The following CSMD1 variants were observed in gnomAD, a reference collection of about 807,000 sequenced individuals.
The protein encoded by CSMD1 is CUB and Sushi multiple domains 1.
CSMD1 carries 213 observed loss-of-function variants against 417.5 expected under a neutral mutation model. That is an observed-to-expected ratio of 0.51 (90% CI 0.46 to 0.57). The LOEUF is 0.57. Ranked by LOEUF, CSMD1 falls within the 20% of genes least tolerant of loss-of-function variation. CSMD1 has a pLI of 0.00. For missense variants in CSMD1, 6,923 were observed against 4,529.7 expected (o/e 1.53, Z -15.17); for synonymous variants, 2,862 against 1,736.8 (o/e 1.65, Z -16.11).
intron 2 of CSMD1, among the ~76,000 whole-genome samples, chr8:4,473,519 C>T (rs373379138): frequency 1.3e-5 from 2 of 152,198 alleles, no homozygotes; most frequent in Non-Finnish European, 2.9e-5. Context: ...CTTGCACCTG[C>T]TTTGCAATTA....
At chr8:4,788,710 T>C (rs993458602) in intron 1 of CSMD1, 1 of 502,290 alleles carries the variant, frequency 2.0e-6, no homozygotes, top group Admixed American at 3.6e-5. Context: ...TATTAGTGAA[T>C]CAATGCTTCT....
chr8:3,253,686 G>C (rs1451817664), intron 26 of CSMD1, among the ~76,000 whole-genome samples: 5 of 152,034 alleles, frequency 3.3e-5, no homozygotes, highest in East Asian at 1.9e-4. Flanking sequence ...AGGTCTCTAA[G>C]GACTTGCTTT....
In CSMD1 at chr8:4,894,183, C is replaced by T. The variant is rs1017401765; in HGVS notation, c.85+100149G>A. Among the ~76,000 whole-genome samples the T allele has an allele frequency of 3.9e-5, 6 of 152,020 alleles. No homozygotes were observed. The South Asian group carries it at 1.2e-3, about 32-fold the overall frequency. On this transcript the variant is annotated intron_variant, in intron 1 of 69. Coordinates refer to ENST00000635120, the MANE Select transcript of CSMD1 (RefSeq NM_033225.6). ...ACAGTTTTTATGTTATTAGCTCTTTCTATATGTCTTATCAGATATGCCCAA... is the reference window on the plus strand; with the variant it reads ...ACAGTTTTTATGTTATTAGCTCTTTTTATATGTCTTATCAGATATGCCCAA...
intron 54 of CSMD1, among the ~76,000 whole-genome samples, chr8:2,986,013 G>A (rs1260132499): frequency 6.8e-6 from 1 of 147,820 alleles, no homozygotes; most frequent in African/African-American, 2.5e-5. Context: ...AGGGGAGAGA[G>A]GGAGGGAGGG....
rs575347409 is a variant in CSMD1 at position 3,691,415 on chromosome 8, A to G, written c.1009+16999T>C. 4.6e-5 allele frequency among the ~76,000 whole-genome samples: 7 copies of G among 152,234 alleles called. No individual in the cohort carries two copies. The East Asian group carries it at 1.4e-3, about 29-fold the overall frequency. On this transcript the variant is annotated intron_variant, in intron 7 of 69. Coordinates refer to ENST00000635120, the MANE Select transcript of CSMD1 (RefSeq NM_033225.6). The stretch of plus-strand genomic sequence containing the variant: ...ACAAAAAACAAAAACAAAACAAACA[A>G]AAAACTGTGTCAATGAAGAGAAGAT...
At chr8:4,273,020 TCTAA>T (rs1359974652) in intron 3 of CSMD1, among the ~76,000 whole-genome samples, 3 of 152,298 alleles carry the variant, frequency 2.0e-5, no homozygotes, top group South Asian at 4.1e-4. Context: ...ACCTGACATT[TCTAA>T]CTATTATCAT....
At chr8:4,240,259 G>T (rs938639801) in intron 3 of CSMD1, among the ~76,000 whole-genome samples, 1 of 152,240 alleles carries the variant, frequency 6.6e-6, no homozygotes, top group Admixed American at 6.5e-5. Flanking sequence ...GGGGCTGGCA[G>T]CCTTTTCACT....
At chr8:3,489,870 G>A (rs929000220) in intron 11 of CSMD1, among the ~76,000 whole-genome samples, 2 of 152,170 alleles carry the variant, frequency 1.3e-5, no homozygotes, top group Non-Finnish European at 1.5e-5. Context: ...TGAGTTTGAA[G>A]TAGTGAATGC....
intron 3 of CSMD1, among the ~76,000 whole-genome samples, chr8:4,158,401 C>G (rs947568322): frequency 6.6e-6 from 1 of 151,940 alleles, no homozygotes; most frequent in Admixed American, 6.6e-5. Flanking sequence ...GCGGTCATCA[C>G]TATTGCAAAA....
chr8:3,082,931 G>T (rs1814213310), intron 49 of CSMD1, among the ~76,000 whole-genome samples: 1 of 152,094 alleles, frequency 6.6e-6, no homozygotes, highest in Non-Finnish European at 1.5e-5. Flanking sequence ...AACATCTGCG[G>T]GAAAAATAAA....
At chr8:3,485,629 G>T (rs531570959) in intron 11 of CSMD1, among the ~76,000 whole-genome samples, 1 of 151,742 alleles carries the variant, frequency 6.6e-6, no homozygotes, top group Admixed American at 6.6e-5. Flanking sequence ...GTGTGGTGGC[G>T]CATGCTGGTT....
At chr8:4,154,757 T>A (rs6999426) in intron 3 of CSMD1, among the ~76,000 whole-genome samples, 1 of 151,914 alleles carries the variant, frequency 6.6e-6, no homozygotes, top group Non-Finnish European at 1.5e-5. Context: ...AATATCCCCG[T>A]AAGATATGAA....
At chr8:4,417,345 T>C (rs1797000633) in intron 3 of CSMD1, among the ~76,000 whole-genome samples, 2 of 152,038 alleles carry the variant, frequency 1.3e-5, no homozygotes, top group Admixed American at 6.6e-5. Flanking sequence ...TATTCCAAAG[T>C]ACTGCCAGAC....
At chr8:4,624,488 G>A (rs1456897479) in intron 2 of CSMD1, among the ~76,000 whole-genome samples, 2 of 152,114 alleles carry the variant, frequency 1.3e-5, no homozygotes, top group Admixed American at 1.3e-4. Context: ...CTACATCAGA[G>A]GTTGCAAGCG....
rs191784777 is a variant in CSMD1 at position 4,596,371 on chromosome 8, T to C, written c.302+40971A>G. On this transcript the variant is annotated intron_variant, in intron 2 of 69. Coordinates refer to ENST00000635120, the MANE Select transcript of CSMD1 (RefSeq NM_033225.6). ...CTCTAAGGGTCTCAGGGAGACTTTC[T>C]GGAAAAATGATTTCTAGACTGAATC... is the stretch of plus-strand genomic sequence containing the variant. Among the ~76,000 whole-genome samples, 226 of 152,336 alleles carry C rather than the reference T, an allele frequency of 1.5e-3. 1 individual carries two copies. Among genetic ancestry groups the C allele is most frequent in the African/African-American group, 5.3e-3 (222 of 41,588 alleles).
At chr8:4,867,069 A>C (rs1208402462) in intron 1 of CSMD1, among the ~76,000 whole-genome samples, 1 of 152,052 alleles carries the variant, frequency 6.6e-6, no homozygotes, top group Non-Finnish European at 1.5e-5. Flanking sequence ...ACAGAAAGTA[A>C]TATTTTGCTT....
chr8:4,799,751 T>C (rs1429798600), intron 1 of CSMD1, among the ~76,000 whole-genome samples: 3 of 151,974 alleles, frequency 2.0e-5, no homozygotes, highest in East Asian at 3.9e-4. Context: ...AAGCTTTACA[T>C]TTGACCTGGA....
At chr8:4,073,477 T>C (rs1472530277) in intron 3 of CSMD1, among the ~76,000 whole-genome samples, 1 of 152,170 alleles carries the variant, frequency 6.6e-6, no homozygotes, top group Admixed American at 6.5e-5. Flanking sequence ...TTCTCCTCAT[T>C]TTCTGGCTGT....
At chr8:4,534,170 A>C (rs1191537909) in intron 2 of CSMD1, among the ~76,000 whole-genome samples, 1 of 152,170 alleles carries the variant, frequency 6.6e-6, no homozygotes, top group Non-Finnish European at 1.5e-5. Context: ...AGAAAAGAGA[A>C]AGCATTCGCT....
Sources: gnomAD v4.1 joint callset for allele counts (sites outside exome capture counted in the v4.1 genomes callset) on GRCh38, gnomAD v4.1.1 for gene constraint, MANE v1.5 for transcripts, NCBI Gene and HGNC (gene_info 2026-07-23, HGNC 2026-07-21) for gene names.